The following CD44 variants were observed in gnomAD, a reference collection of about 807,000 sequenced individuals.
CD44 encodes the protein CD44 antigen.
CD44 carries 49 observed loss-of-function variants against 88.8 expected under a neutral mutation model. The ratio of observed to expected loss-of-function variants is 0.55; its 90% CI spans 0.44 to 0.70. The LOEUF is 0.70. Among genes scored for constraint, CD44 ranks in the 30% least tolerant of loss-of-function variants. The probability of loss-of-function intolerance (pLI) is 0.00; values close to 1 mark genes in which losing one functional copy is unlikely to be tolerated. For missense variants in CD44, 883 were observed against 913.8 expected, an observed-to-expected ratio of 0.97 and a Z score of 0.43; for synonymous variants, 325 against 312.3, an observed-to-expected ratio of 1.04 and a Z score of -0.43.
chr11:35,227,447 A>G (rs1476803388), intron 17 of CD44, among the ~76,000 whole-genome samples: 1 of 152,154 alleles, frequency 6.6e-6, no homozygotes, highest in African/African-American at 2.4e-5. Context: ...TGGCCTCCCA[A>G]AGTGCTGGGA....
chr11:35,186,982 A>G, intron 4 of CD44, 82 bp downstream of exon 4: 1 of 864,704 alleles, frequency 1.2e-6, no homozygotes, highest in Admixed American at 1.7e-5. Context: ...ATATTTGAAT[A>G]GAATATTAGG....
At chr11:35,194,203 G>T (rs1946526081) in intron 5 of CD44, among the ~76,000 whole-genome samples, 1 of 152,220 alleles carries the variant, frequency 6.6e-6, no homozygotes, top group Non-Finnish European at 1.5e-5. Flanking sequence ...TCAGTTTGAA[G>T]AATGAGTAGC....
rs1276163352 is a variant in CD44, at chr11:35,189,893, T to G, written c.495T>G (p.Pro165=). The G allele has an allele frequency of 9.3e-6, 15 of 1,614,176 alleles. No individual in the cohort carries two copies. Among genetic ancestry groups the G allele is most frequent in the Non-Finnish European group, 1.2e-5 (14 of 1,180,020 alleles). Residue 165 remains proline (P), a synonymous_variant, in exon 5 of 18, where the codon CCT becomes CCG. Transcript: ENST00000428726. ...AGAAAGGAGAATACAGAACGAATCC[T>G]GAAGACATCTACCCCAGCAACCCTA... ...YVQKGEYRTN[P]EDIYPSNPTD... is the part of the protein sequence containing the mutation.
intron 1 of CD44, among the ~76,000 whole-genome samples, chr11:35,176,289 G>A (rs372826655): frequency 6.6e-6 from 1 of 151,758 alleles, no homozygotes; most frequent in East Asian, 2.0e-4. Flanking sequence ...TGATCCGCCC[G>A]CCTCGGCCTC....
At chr11:35,154,701 T>C (rs1941621782) in intron 1 of CD44, among the ~76,000 whole-genome samples, 1 of 152,210 alleles carries the variant, frequency 6.6e-6, no homozygotes, top group Non-Finnish European at 1.5e-5. Flanking sequence ...ATAGGTATCA[T>C]GATTGAACTT....
rs1947273287 is a variant in CD44 at position 35,201,117 on chromosome 11, C to G, written c.958C>G (p.Gln320Glu). The G allele has an allele frequency of 1.2e-6, 2 of 1,613,928 alleles. No individual in the cohort carries two copies. The highest frequency in any genetic ancestry group is 4.5e-5 in the East Asian group (2 of 44,902). ...ACCACGGGCTTTTGACCACACAAAACAGAACCAGGACTGGACCCAGTGGAA... is the reference window on the plus strand; with the variant it reads ...ACCACGGGCTTTTGACCACACAAAAGAGAACCAGGACTGGACCCAGTGGAA... Reference protein sequence around the residue: ...TTPRAFDHTKQNQDWTQWNPS... With the variant: ...TTPRAFDHTKENQDWTQWNPS... The change falls in exon 8 of 18, where the codon CAG becomes GAG. Residue 320 changes from glutamine (Q) to glutamate (E), a missense_variant. By Grantham distance (29) the Gln-to-Glu change is conservative (BLOSUM62 2). Coordinates refer to ENST00000428726, the MANE Select transcript of CD44 (RefSeq NM_000610.4).
intron 7 of CD44, chr11:35,198,520 CT>C: frequency 2.5e-6 from 1 of 393,374 alleles, no homozygotes; most frequent in Non-Finnish European, 4.6e-6. Context: ...AATGATCAGG[CT>C]TTATCAGAGA....
chr11:35,140,822 C>G (rs1415857374), intron 1 of CD44, among the ~76,000 whole-genome samples: 1 of 152,054 alleles, frequency 6.6e-6, no homozygotes, highest in Non-Finnish European at 1.5e-5. Flanking sequence ...GAGTTTGAGA[C>G]CAGCCTTGGC....
In CD44 at chr11:35,210,013, A is replaced by G. The variant is rs1234461656; in HGVS notation, c.1565A>G (p.Glu522Gly). Residue 522 changes from glutamate to glycine, a missense_variant, in exon 13 of 18, where the codon GAA (glutamate) becomes GGA (glycine). By Grantham distance (98) the Glu-to-Gly change is moderately conservative. Coordinates refer to ENST00000428726, the MANE Select transcript of CD44 (RefSeq NM_000610.4). ...SFSTSHEGLE[E>G]DKDHPTTSTL... ...TCTACATCACATGAAGGCTTGGAAGAAGATAAAGACCATCCAACAACTTCT... is the reference window on the plus strand; with the variant it reads ...TCTACATCACATGAAGGCTTGGAAGGAGATAAAGACCATCCAACAACTTCT... The G allele has an allele frequency of 6.4e-7, 1 of 1,573,094 alleles. No homozygotes were observed. Among genetic ancestry groups the G allele is most frequent in the Non-Finnish European group, 8.6e-7 (1 of 1,164,712 alleles).
At chr11:35,194,460 C>T (rs1946545576) in intron 5 of CD44, among the ~76,000 whole-genome samples, 1 of 152,192 alleles carries the variant, frequency 6.6e-6, no homozygotes, top group Admixed American at 6.5e-5. Context: ...CGCAACAGCT[C>T]AGGAGCAAAA....
At position 35,212,886 on chromosome 11, in the gene CD44, C is replaced by T. The variant is rs188928900; in HGVS notation, c.1810+1437C>T. 7.7e-3 allele frequency: 1,166 copies of T among 152,416 alleles called. 10 individuals carry two copies. Among genetic ancestry groups the T allele is most frequent in the African/African-American group, 0.026 (1,096 of 41,488 alleles). 9.4% of individuals were successfully genotyped at this position (152,416 alleles called of 1,614,324 possible). ...TCACCCACACTGTAGTACAGTGGCG[C>T]GATCTCGGCTCACTGCAACCTCTGC... is the stretch of plus-strand genomic sequence containing the variant. On this transcript the variant is annotated intron_variant, in intron 14 of 17. Coordinates refer to ENST00000428726, the MANE Select transcript of CD44 (RefSeq NM_000610.4).
intron 17 of CD44, among the ~76,000 whole-genome samples, chr11:35,227,819 G>C (rs1179953641): frequency 6.6e-6 from 1 of 152,194 alleles, no homozygotes; most frequent in South Asian, 2.1e-4. Flanking sequence ...CATTGACAGA[G>C]CCAGGCAGAG....
At chr11:35,212,984 C>G (rs952530439) in intron 14 of CD44, 1 of 151,998 alleles carries the variant, frequency 6.6e-6, no homozygotes, top group Non-Finnish European at 1.5e-5. Context: ...CCACCACGCC[C>G]GGCTAATTTT....
intron 1 of CD44, among the ~76,000 whole-genome samples, chr11:35,176,338 G>T (rs188539604): frequency 6.6e-6 from 1 of 151,652 alleles, no homozygotes; most frequent in Non-Finnish European, 1.5e-5. Context: ...CACCGCGCCC[G>T]GCCTAATTTT....
At chr11:35,176,124 G>A (rs930758630) in intron 1 of CD44, among the ~76,000 whole-genome samples, 2 of 148,226 alleles carry the variant, frequency 1.3e-5, no homozygotes, top group African/African-American at 5.0e-5. Context: ...CTCACTGTAA[G>A]CTCCGCCTCC....
At chr11:35,217,726 C>G (rs926230421) in intron 15 of CD44, among the ~76,000 whole-genome samples, 1 of 152,128 alleles carries the variant, frequency 6.6e-6, no homozygotes, top group Non-Finnish European at 1.5e-5. Flanking sequence ...ATGAGGAAAG[C>G]TCTCATTTAA....
At chr11:35,157,356 T>TATC (rs1554950291) in intron 1 of CD44, among the ~76,000 whole-genome samples, 1 of 151,336 alleles carries the variant, frequency 6.6e-6, no homozygotes, top group Non-Finnish European at 1.5e-5. Context: ...TCTATCTATC[T>TATC]ATCTATCTAT....
intron 1 of CD44, among the ~76,000 whole-genome samples, chr11:35,164,230 C>A (rs983508486): frequency 1.3e-5 from 2 of 151,984 alleles, no homozygotes; most frequent in African/African-American, 2.4e-5. Flanking sequence ...TGAGTCTTAG[C>A]TAACTCATGT....
chr11:35,177,325 A>G (rs902075701), intron 2 of CD44, among the ~76,000 whole-genome samples: 3 of 152,260 alleles, frequency 2.0e-5, no homozygotes, highest in Non-Finnish European at 2.9e-5. Context: ...AGAGCTGCAT[A>G]GAGCCTTCCT....
Sources: allele counts gnomAD v4.1 joint callset (sites outside exome capture counted in the v4.1 genomes callset), GRCh38; gene constraint gnomAD v4.1.1; transcripts MANE v1.5; gene names NCBI Gene and HGNC (gene_info 2026-07-23, HGNC 2026-07-21).